PRKAR2A: variants seen among roughly 807,000 people sequenced by gnomAD.
The protein encoded by PRKAR2A is protein kinase cAMP-dependent type II regulatory subunit alpha, also known as cAMP-dependent protein kinase type II-alpha regulatory subunit.
Under a neutral mutation model 51.9 loss-of-function variants are expected in PRKAR2A, and 29 were observed. The ratio of observed to expected loss-of-function variants is 0.56; its 90% CI spans 0.42 to 0.76. The LOEUF is 0.76. PRKAR2A is among the 30% of genes least tolerant of loss of function. The pLI is 0.00. For synonymous variants in PRKAR2A, 178 were observed against 186.2 expected (o/e 0.96, Z 0.36); for missense variants, 445 against 512.1 (o/e 0.87, Z 1.26).
intron 1 of PRKAR2A, among the ~76,000 whole-genome samples, chr3:48,845,292 T>C (rs2083444664): frequency 6.6e-6 from 1 of 152,196 alleles, no homozygotes; most frequent in Non-Finnish European, 1.5e-5. Context: ...TGATGTAATG[T>C]GCAATAAATC....
At chr3:48,758,985 C>A (rs1057379206) in intron 8 of PRKAR2A, among the ~76,000 whole-genome samples, 5 of 152,044 alleles carry the variant, frequency 3.3e-5, no homozygotes, top group Non-Finnish European at 7.4e-5. Flanking sequence ...TCCTCTGGAC[C>A]AAATGAAGGA....
At chr3:48,820,987 C>T (rs1207891669) in intron 1 of PRKAR2A, among the ~76,000 whole-genome samples, 2 of 152,176 alleles carry the variant, frequency 1.3e-5, no homozygotes, top group Non-Finnish European at 2.9e-5. Flanking sequence ...TTACTCCAGG[C>T]TCCCTATGTC....
At chr3:48,838,882 G>C (rs978553562) in intron 1 of PRKAR2A, among the ~76,000 whole-genome samples, 2 of 151,882 alleles carry the variant, frequency 1.3e-5, no homozygotes, top group African/African-American at 4.8e-5. Context: ...TACTCGGGAG[G>C]CTGAGGCAGA....
chr3:48,775,686 C>A (rs2082095651), intron 5 of PRKAR2A, among the ~76,000 whole-genome samples: 3 of 151,774 alleles, frequency 2.0e-5, no homozygotes, highest in Non-Finnish European at 4.4e-5. Context: ...AAAGATACTG[C>A]AAAAGATTTA....
At chr3:48,778,106 T>C (rs754864254) in intron 5 of PRKAR2A, among the ~76,000 whole-genome samples, 1 of 152,218 alleles carries the variant, frequency 6.6e-6, no homozygotes, top group Non-Finnish European at 1.5e-5. Flanking sequence ...CTCTCCAACT[T>C]GACCATGAAT....
At chr3:48,778,648 T>C (rs1232615587) in intron 5 of PRKAR2A, among the ~76,000 whole-genome samples, 1 of 151,666 alleles carries the variant, frequency 6.6e-6, no homozygotes, top group African/African-American at 2.4e-5. Flanking sequence ...GCCTCCCAGG[T>C]AGCTGGGACT....
intron 1 of PRKAR2A, among the ~76,000 whole-genome samples, chr3:48,826,396 G>C (rs2083066707): frequency 6.6e-6 from 1 of 152,146 alleles, no homozygotes; most frequent in African/African-American, 2.4e-5. Flanking sequence ...GTGAAATGAA[G>C]AGACATACGG....
At chr3:48,839,062 C>A (rs959778807) in intron 1 of PRKAR2A, among the ~76,000 whole-genome samples, 5 of 152,010 alleles carry the variant, frequency 3.3e-5, no homozygotes, top group Non-Finnish European at 7.4e-5. Context: ...CCGAGGCAGA[C>A]AGATCACCTG....
chr3:48,823,822 GAA>G (rs1354692833), intron 1 of PRKAR2A, among the ~76,000 whole-genome samples: 5 of 150,080 alleles, frequency 3.3e-5, no homozygotes, highest in African/African-American at 9.8e-5. Flanking sequence ...TCTTCTACCA[GAA>G]ATCAAGGACA....
intron 1 of PRKAR2A, among the ~76,000 whole-genome samples, chr3:48,814,226 G>A (rs1222969457): frequency 3.3e-5 from 5 of 151,374 alleles, no homozygotes; most frequent in Non-Finnish European, 5.9e-5. Flanking sequence ...CCAGTCTGGC[G>A]ACAGAGCGAG....
At chr3:48,805,726 G>A (rs1055458549) in intron 2 of PRKAR2A, among the ~76,000 whole-genome samples, 3 of 152,116 alleles carry the variant, frequency 2.0e-5, no homozygotes, top group African/African-American at 7.2e-5. Flanking sequence ...AAAATGTTAC[G>A]TATTATTAAA....
intron 1 of PRKAR2A, among the ~76,000 whole-genome samples, chr3:48,821,061 C>T (rs1369804902): frequency 2.0e-5 from 3 of 152,208 alleles, no homozygotes; most frequent in African/African-American, 7.2e-5. Flanking sequence ...TACTCCTAAA[C>T]ACAGACTGTA....
intron 5 of PRKAR2A, among the ~76,000 whole-genome samples, chr3:48,776,115 A>C (rs1328409246): frequency 1.3e-4 from 20 of 152,140 alleles, no homozygotes; most frequent in Non-Finnish European, 2.4e-4. Flanking sequence ...AAAACAAACA[A>C]ACAAACAAAC....
intron 2 of PRKAR2A, among the ~76,000 whole-genome samples, chr3:48,799,894 C>A (rs1204527338): frequency 6.6e-6 from 1 of 152,168 alleles, no homozygotes; most frequent in East Asian, 1.9e-4. Flanking sequence ...GAGTCTCACT[C>A]TGTTGCCCAG....
At position 48,767,931 on chromosome 3, in the gene PRKAR2A, A is replaced by C. The variant is rs544589537; in HGVS notation, c.697-2582T>G. Among the ~76,000 whole-genome samples, 321 of 151,714 alleles carry C rather than the reference A, an allele frequency of 2.1e-3. 2 individuals carry two copies. The highest frequency in any genetic ancestry group is 7.0e-3 in the African/African-American group (292 of 41,442). On this transcript the variant is annotated intron_variant, in intron 6 of 10. Transcript: ENST00000265563. ...AGAGCGAGACTCCATCTCAAAAAAA[A>C]AAACAAACAAAAAAACCCCACAAAA...
intron 8 of PRKAR2A, among the ~76,000 whole-genome samples, chr3:48,760,646 T>G (rs1194711927): frequency 7.1e-6 from 1 of 140,250 alleles, no homozygotes; most frequent in African/African-American, 2.7e-5. Flanking sequence ...CTGACCAACA[T>G]GGAGAAACCC....
chr3:48,846,210 T>C (rs2083458927), intron 1 of PRKAR2A, among the ~76,000 whole-genome samples: 1 of 121,404 alleles, frequency 8.2e-6, no homozygotes, highest in South Asian at 3.1e-4. Context: ...TACTGGGTTT[T>C]TCCTTTTTCT....
intron 5 of PRKAR2A, among the ~76,000 whole-genome samples, chr3:48,779,250 G>A (rs1230235634): frequency 6.6e-6 from 1 of 152,132 alleles, no homozygotes; most frequent in Non-Finnish European, 1.5e-5. Context: ...GCAAACCACT[G>A]TGCCAGGCTC....
At chr3:48,845,493 C>G (rs555994818) in intron 1 of PRKAR2A, among the ~76,000 whole-genome samples, 1 of 152,320 alleles carries the variant, frequency 6.6e-6, no homozygotes, top group East Asian at 1.9e-4. Flanking sequence ...TCTAATAACA[C>G]TAAGATCCTA....
Sources: allele counts gnomAD v4.1 joint callset (sites outside exome capture counted in the v4.1 genomes callset), GRCh38; gene constraint gnomAD v4.1.1; transcripts MANE v1.5; gene names NCBI Gene and HGNC (gene_info 2026-07-23, HGNC 2026-07-21).